Variants in TNR observed in about 807,000 individuals in gnomAD.
The protein encoded by TNR is tenascin R, also known as tenascin-R.
Under a neutral mutation model 150.4 loss-of-function variants are expected in TNR, and 45 were observed. The observed-to-expected ratio is 0.30, with a 90% CI of 0.24 to 0.38. The LOEUF is 0.38. TNR is among the 10% of genes least tolerant of loss of function. The pLI is 1.00. For synonymous variants in TNR, 687 were observed against 678.4 expected (o/e 1.01, Z -0.20); for missense variants, 1,544 against 1,759.1 (o/e 0.88, Z 2.19).
chr1:175,515,843 A>G (rs1659383730), intron 2 of TNR, among the ~76,000 whole-genome samples: 1 of 152,346 alleles, frequency 6.6e-6, no homozygotes, highest in Admixed American at 6.5e-5. Context: ...GACTCACCTT[A>G]GGACTAAACT....
chr1:175,682,746 G>A (rs1331765136), intron 1 of TNR, among the ~76,000 whole-genome samples: 1 of 152,150 alleles, frequency 6.6e-6, no homozygotes, highest in African/African-American at 2.4e-5. Flanking sequence ...GCAGAACTGG[G>A]TTGTACCAAA....
chr1:175,375,478 G>GA (rs1026109366), intron 9 of TNR, among the ~76,000 whole-genome samples: 1 of 151,580 alleles, frequency 6.6e-6, no homozygotes, highest in African/African-American at 2.4e-5. Flanking sequence ...GAGAATAATG[G>GA]GGGGGGAGTG....
chr1:175,657,066 G>A (rs1165776940), intron 1 of TNR, among the ~76,000 whole-genome samples: 1 of 152,098 alleles, frequency 6.6e-6, no homozygotes, highest in Non-Finnish European at 1.5e-5. Context: ...TGGAAGAGAT[G>A]CAATGATTAA....
At chr1:175,330,322 T>C in intron 20 of TNR, 87 bp from the exon 21 acceptor site, 2 of 1,399,196 alleles carry the variant, frequency 1.4e-6, no homozygotes, top group Non-Finnish European at 1.9e-6. Context: ...CTTCAAAACA[T>C]GTTACAGGGA....
chr1:175,384,707 C>T (rs1488875420), intron 8 of TNR, among the ~76,000 whole-genome samples: 1 of 152,206 alleles, frequency 6.6e-6, no homozygotes, highest in Non-Finnish European at 1.5e-5. Flanking sequence ...TCCGAGGGTT[C>T]AGGCACCTAC....
chr1:175,364,975 CT>C, intron 12 of TNR, 34 bp downstream of exon 12: 5 of 1,569,364 alleles, frequency 3.2e-6, no homozygotes, highest in Non-Finnish European at 2.6e-6. Context: ...GTGAAAACCC[CT>C]TTCATCACCT....
At chr1:175,497,227 C>T (rs1658526450) in intron 2 of TNR, among the ~76,000 whole-genome samples, 1 of 152,210 alleles carries the variant, frequency 6.6e-6, no homozygotes, top group Admixed American at 6.5e-5. Flanking sequence ...CTCTTCCCTT[C>T]ACTTCTCCTC....
At chr1:175,532,237 AG>A in intron 1 of TNR, among the ~76,000 whole-genome samples, 1 of 152,356 alleles carries the variant, frequency 6.6e-6, no homozygotes, top group East Asian at 1.9e-4. Context: ...AATACCCCAA[AG>A]TATGGTCAAT....
intron 1 of TNR, among the ~76,000 whole-genome samples, chr1:175,535,624 C>A (rs1373180546): frequency 6.8e-6 from 1 of 147,496 alleles, no homozygotes; most frequent in Non-Finnish European, 1.5e-5. Flanking sequence ...ACATGCCCGG[C>A]TAATTTTTTT....
chr1:175,634,870 C>G (rs1203671349), intron 1 of TNR, among the ~76,000 whole-genome samples: 2 of 152,126 alleles, frequency 1.3e-5, no homozygotes, highest in Middle Eastern at 3.2e-3. Context: ...TACCAACCGC[C>G]CCCTCAAAAC....
intron 2 of TNR, among the ~76,000 whole-genome samples, chr1:175,519,271 C>T (rs187375389): frequency 3.2e-4 from 48 of 152,258 alleles, no homozygotes; most frequent in African/African-American, 9.4e-4. Flanking sequence ...CAGTGCATAC[C>T]GGCATTTCTG....
chr1:175,654,765 C>T (rs1665120918), intron 1 of TNR, among the ~76,000 whole-genome samples: 3 of 147,616 alleles, frequency 2.0e-5, no homozygotes, highest in Non-Finnish European at 4.5e-5. Context: ...CTCGCTCTGC[C>T]GCCCAGGCAG....
intron 13 of TNR, 62 bp from the exon 14 acceptor site, chr1:175,362,871 T>A (rs1651667250): frequency 1.9e-6 from 3 of 1,601,530 alleles, no homozygotes; most frequent in African/African-American, 1.3e-5. Context: ...CAGCCCATGG[T>A]ACAGTCTATG....
intron 2 of TNR, among the ~76,000 whole-genome samples, chr1:175,476,949 T>G (rs1035128440): frequency 1.3e-5 from 2 of 152,178 alleles, no homozygotes; most frequent in Non-Finnish European, 2.9e-5. Flanking sequence ...GTAATAGAAT[T>G]ACAGTTCCTT....
intron 2 of TNR, among the ~76,000 whole-genome samples, chr1:175,426,287 C>A (rs73045447): frequency 0.015 from 2,239 of 152,176 alleles, 70 homozygotes; most frequent in African/African-American, 0.051. Flanking sequence ...GTCTAATTTG[C>A]CTTTGAGGGG....
chr1:175,567,830 A>T (rs943383264), intron 1 of TNR, among the ~76,000 whole-genome samples: 1 of 152,146 alleles, frequency 6.6e-6, no homozygotes, highest in Non-Finnish European at 1.5e-5. Context: ...ATGAAGTGGG[A>T]TGGACGTTCT....
intron 1 of TNR, among the ~76,000 whole-genome samples, chr1:175,742,749 C>G (rs73037280): frequency 6.6e-6 from 1 of 152,062 alleles, no homozygotes; most frequent in South Asian, 2.1e-4. Context: ...CTCAGAGGTG[C>G]GTAACTTTTA....
intron 13 of TNR, among the ~76,000 whole-genome samples, chr1:175,363,433 CT>C (rs1245761069): frequency 6.6e-6 from 1 of 152,166 alleles, no homozygotes; most frequent in African/African-American, 2.4e-5. Flanking sequence ...TTTTGGGGCT[CT>C]TTTTTTCTCA....
intron 20 of TNR, 22 bp from the exon 21 acceptor site, chr1:175,330,257 G>T: frequency 6.6e-7 from 1 of 1,506,788 alleles, no homozygotes; most frequent in South Asian, 1.3e-5. Flanking sequence ...AGCAGAAAAT[G>T]CACTGAGACT....
Sources: gnomAD v4.1 joint callset for allele counts (sites outside exome capture counted in the v4.1 genomes callset) on GRCh38, gnomAD v4.1.1 for gene constraint, MANE v1.5 for transcripts, NCBI Gene and HGNC (gene_info 2026-07-23, HGNC 2026-07-21) for gene names.